TUSC3: variants seen among roughly 807,000 people sequenced by gnomAD.
TUSC3 encodes dolichyl-diphosphooligosaccharide--protein glycosyltransferase subunit TUSC3.
In TUSC3, 45 loss-of-function variants were observed where a neutral mutation model predicts 44.8. That is an observed-to-expected ratio of 1.00 (90% CI 0.79 to 1.29). The LOEUF is 1.29. Among genes scored for constraint, TUSC3 ranks in the 50% most tolerant of loss-of-function variants. TUSC3 has a pLI of 0.00. For synonymous variants in TUSC3, 212 were observed against 152.9 expected, an observed-to-expected ratio of 1.39 and a Z score of -2.85; for missense variants, 519 against 437.9, an observed-to-expected ratio of 1.19 and a Z score of -1.65.
intron 2 of TUSC3, among the ~76,000 whole-genome samples, chr8:15,508,386 G>A (rs1261590411): frequency 6.6e-6 from 1 of 151,282 alleles, no homozygotes; most frequent in Non-Finnish European, 1.5e-5. Context: ...GAGGGAGAAA[G>A]GACATTGGAT....
At chr8:15,467,487 T>G (rs775793094) in intron 1 of TUSC3, among the ~76,000 whole-genome samples, 5 of 152,160 alleles carry the variant, frequency 3.3e-5, no homozygotes, top group Non-Finnish European at 5.9e-5. Context: ...CACTTCTAAT[T>G]TCTAAGCCTT....
chr8:15,630,934 G>C (rs963072991), intron 2 of TUSC3, among the ~76,000 whole-genome samples: 2 of 152,140 alleles, frequency 1.3e-5, no homozygotes, highest in Non-Finnish European at 2.9e-5. Flanking sequence ...TGGGTCCCTT[G>C]TACATCACTT....
At chr8:15,544,478 T>A (rs557717246) in intron 1 of TUSC3, among the ~76,000 whole-genome samples, 1 of 151,794 alleles carries the variant, frequency 6.6e-6, no homozygotes, top group African/African-American at 2.4e-5. Context: ...GAATATGCAA[T>A]ATGAAAAATT....
chr8:15,843,829 C>G, the TUSC3 span, among the ~76,000 whole-genome samples: 1 of 151,872 alleles, frequency 6.6e-6, no homozygotes. Context: ...CCTTGAATAT[C>G]TCATGTGTCA....
At chr8:15,785,267 T>G in the TUSC3 span, among the ~76,000 whole-genome samples, 2 of 151,044 alleles carry the variant, frequency 1.3e-5, no homozygotes, top group Non-Finnish European at 2.9e-5. Flanking sequence ...AAACTGTAAA[T>G]TAAGAGACTA....
downstream of TUSC3, among the ~76,000 whole-genome samples, chr8:15,769,405 T>C (rs1812402449): frequency 6.6e-6 from 1 of 152,126 alleles, no homozygotes; most frequent in Admixed American, 6.6e-5. Context: ...ACCCCTCCCT[T>C]ACACCGTACA....
chr8:15,602,564 A>G (rs1234241404), intron 1 of TUSC3, among the ~76,000 whole-genome samples: 3 of 151,548 alleles, frequency 2.0e-5, no homozygotes, highest in Non-Finnish European at 4.4e-5. Flanking sequence ...TCAGACAGGC[A>G]CAAGTACCTG....
At chr8:15,782,135 A>G in the TUSC3 span, among the ~76,000 whole-genome samples, 3 of 152,110 alleles carry the variant, frequency 2.0e-5, no homozygotes, top group African/African-American at 4.8e-5. Flanking sequence ...GCTCCATCTC[A>G]AAAAAAGAAA....
chr8:15,694,947 G>C, intron 6 of TUSC3, among the ~76,000 whole-genome samples: 1 of 152,330 alleles, frequency 6.6e-6, no homozygotes, highest in East Asian at 1.9e-4. Flanking sequence ...CGTTGCCCAA[G>C]CTGAGGTATT....
intron 2 of TUSC3, among the ~76,000 whole-genome samples, chr8:15,516,210 C>T (rs952660193): frequency 6.6e-6 from 1 of 152,102 alleles, no homozygotes; most frequent in African/African-American, 2.4e-5. Context: ...ATTGACATAT[C>T]TTATATTCTG....
chr8:15,462,703 A>C (rs576094449), intron 1 of TUSC3, among the ~76,000 whole-genome samples: 1 of 152,208 alleles, frequency 6.6e-6, no homozygotes, highest in Middle Eastern at 3.4e-3. Context: ...TTATACTCCT[A>C]TGTGGTGGTA....
chr8:15,524,238 G>T (rs958044808), intron 2 of TUSC3, among the ~76,000 whole-genome samples: 1 of 151,806 alleles, frequency 6.6e-6, no homozygotes, highest in South Asian at 2.1e-4. Context: ...GAGTTAATTT[G>T]CAGTTTTTAA....
intron 1 of TUSC3, among the ~76,000 whole-genome samples, chr8:15,455,069 T>C (rs1274917977): frequency 6.6e-6 from 1 of 152,276 alleles, no homozygotes; most frequent in African/African-American, 2.4e-5. Context: ...GACTTTGACC[T>C]GGGCCAGGAG....
chr8:15,507,480 C>G (rs557415074), intron 2 of TUSC3, among the ~76,000 whole-genome samples: 1 of 152,148 alleles, frequency 6.6e-6, no homozygotes. Context: ...GGAAAAGCAT[C>G]TTTTTTTGTA....
chr8:15,427,120 T>C (rs1047495285), intron 1 of TUSC3, among the ~76,000 whole-genome samples: 3 of 151,854 alleles, frequency 2.0e-5, no homozygotes, highest in Non-Finnish European at 4.4e-5. Flanking sequence ...TCTTACATAC[T>C]TTGGAAATTA....
chr8:15,582,901 C>T (rs1803432827), intron 1 of TUSC3, among the ~76,000 whole-genome samples: 1 of 152,210 alleles, frequency 6.6e-6, no homozygotes, highest in Non-Finnish European at 1.5e-5. Flanking sequence ...TCTCTTTGTT[C>T]TTCAGACATA....
chr8:15,488,840 T>C (rs754196419), intron 2 of TUSC3, among the ~76,000 whole-genome samples: 16 of 152,206 alleles, frequency 1.1e-4, no homozygotes, highest in Admixed American at 2.6e-4. Context: ...AAATAAATGT[T>C]AGTTGCATAA....
the TUSC3 span, among the ~76,000 whole-genome samples, chr8:15,829,852 G>A: frequency 1.3e-5 from 2 of 152,016 alleles, no homozygotes; most frequent in African/African-American, 4.8e-5. Flanking sequence ...TTTAATTTTA[G>A]TTCTTTGAGA....
At chr8:15,456,113 C>T (rs1800253954) in intron 1 of TUSC3, among the ~76,000 whole-genome samples, 1 of 152,170 alleles carries the variant, frequency 6.6e-6, no homozygotes, top group Non-Finnish European at 1.5e-5. Context: ...CAGCAAGCAG[C>T]AATCATTGCC....
Sources: allele counts gnomAD v4.1 joint callset (sites outside exome capture counted in the v4.1 genomes callset), GRCh38; gene constraint gnomAD v4.1.1; transcripts MANE v1.5; gene names NCBI Gene and HGNC (gene_info 2026-07-23, HGNC 2026-07-21).